KAT6A: variants seen among roughly 807,000 people sequenced by gnomAD.
KAT6A encodes the protein lysine acetyltransferase 6A.
In KAT6A, 9 loss-of-function variants were observed where a neutral mutation model predicts 198.4. That is an observed-to-expected ratio of 0.05 (90% CI 0.03 to 0.08). KAT6A has a LOEUF of 0.08. Ranked by LOEUF, KAT6A falls within the 10% of genes least tolerant of loss-of-function variation. KAT6A has a pLI of 1.00. For missense variants in KAT6A, 2,077 were observed against 2,509.9 expected (o/e 0.83, Z 3.69); for synonymous variants, 890 against 883.0 (o/e 1.01, Z -0.14).
intron 2 of KAT6A, among the ~76,000 whole-genome samples, chr8:41,989,206 T>G (rs1458691046): frequency 6.6e-6 from 1 of 152,124 alleles, no homozygotes; most frequent in Non-Finnish European, 1.5e-5. Context: ...TGGGGCTTAC[T>G]GAGCTTAAAA....
intron 2 of KAT6A, among the ~76,000 whole-genome samples, chr8:41,989,230 C>A (rs747806691): frequency 6.6e-6 from 1 of 152,172 alleles, no homozygotes. Flanking sequence ...CTTATGTAGC[C>A]GGGCACAGTG....
At chr8:41,987,773 T>C (rs925461177) in intron 2 of KAT6A, among the ~76,000 whole-genome samples, 1 of 152,170 alleles carries the variant, frequency 6.6e-6, no homozygotes, top group Non-Finnish European at 1.5e-5. Context: ...TTTAGAAACT[T>C]TACTCCAAAA....
intron 10 of KAT6A, among the ~76,000 whole-genome samples, 170 bp downstream of exon 10, chr8:41,949,052 C>G (rs575715666): frequency 6.6e-6 from 1 of 152,128 alleles, no homozygotes; most frequent in Non-Finnish European, 1.5e-5. Flanking sequence ...TTAATATATG[C>G]AAAATCAACT....
At chr8:41,968,943 CT>C (rs1408352462) in intron 8 of KAT6A, among the ~76,000 whole-genome samples, 1 of 152,024 alleles carries the variant, frequency 6.6e-6, no homozygotes, top group Non-Finnish European at 1.5e-5. Context: ...TGGCTGACTC[CT>C]TTTGAAAAAA....
intron 2 of KAT6A, among the ~76,000 whole-genome samples, chr8:41,988,833 G>C (rs915213772): frequency 6.6e-6 from 1 of 152,144 alleles, no homozygotes; most frequent in Non-Finnish European, 1.5e-5. Flanking sequence ...TTAGTTGGAG[G>C]TACCCTCAGT....
chr8:41,991,450 C>T (rs1824942335), intron 2 of KAT6A, among the ~76,000 whole-genome samples: 1 of 152,064 alleles, frequency 6.6e-6, no homozygotes. Context: ...GGAAAGTGGT[C>T]ACCTTTGGAA....
Position 41,932,876 on chromosome 8 carries a change from T to A in KAT6A, c.5344A>T (p.Thr1782Ser). ...SHSPAVTSYATSVSLSNTGLA... is the reference protein window; with the variant it reads ...SHSPAVTSYASSVSLSNTGLA... The stretch of plus-strand genomic sequence containing the variant: ...CCTGTATTGGACAGAGAAACACTGG[T>A]TGCATAGGAAGTCACAGCAGGAGAA... Residue 1782 changes from threonine to serine, a missense_variant, in exon 17 of 17, where the codon ACC (threonine) becomes TCC (serine). By Grantham distance (58) the Thr-to-Ser change is moderately conservative. Transcript: ENST00000265713. 2 of 1,614,056 alleles carry A rather than the reference T, an allele frequency of 1.2e-6. No homozygotes were observed. Among genetic ancestry groups the A allele is most frequent in the Non-Finnish European group, 1.7e-6 (2 of 1,180,010 alleles).
At chr8:41,970,981 C>A (rs913351159) in intron 8 of KAT6A, among the ~76,000 whole-genome samples, 3 of 152,018 alleles carry the variant, frequency 2.0e-5, no homozygotes, top group African/African-American at 4.8e-5. Context: ...GACAAAAAAA[C>A]CAAACACCGC....
intron 9 of KAT6A, among the ~76,000 whole-genome samples, chr8:41,953,504 G>A (rs1019700004): frequency 1.3e-5 from 2 of 152,136 alleles, no homozygotes; most frequent in African/African-American, 2.4e-5. Flanking sequence ...ATGGAGTTTC[G>A]CTCCTGTTGC....
intron 2 of KAT6A, among the ~76,000 whole-genome samples, chr8:42,003,047 G>A (rs932816042): frequency 1.3e-5 from 2 of 152,178 alleles, no homozygotes; most frequent in Admixed American, 1.3e-4. Flanking sequence ...GTGGGGCTCA[G>A]ATTCTGCACA....
chr8:42,020,492 G>A (rs1043314887), intron 2 of KAT6A, among the ~76,000 whole-genome samples: 5 of 152,142 alleles, frequency 3.3e-5, no homozygotes, highest in African/African-American at 9.7e-5. Flanking sequence ...ATACTTTGTT[G>A]TTATTTCTTT....
At chr8:41,982,403 A>G (rs536302176) in intron 3 of KAT6A, among the ~76,000 whole-genome samples, 40 of 152,284 alleles carry the variant, frequency 2.6e-4, no homozygotes, top group African/African-American at 9.1e-4. Flanking sequence ...CTCAGTTTAT[A>G]CCCTTTTGTG....
chr8:42,018,395 C>T (rs569738478), intron 2 of KAT6A, among the ~76,000 whole-genome samples: 2 of 152,230 alleles, frequency 1.3e-5, no homozygotes, highest in East Asian at 3.9e-4. Context: ...CCTGTTAATT[C>T]CAGCTACTTG....
intron 2 of KAT6A, among the ~76,000 whole-genome samples, chr8:42,026,849 T>C (rs1826841243): frequency 6.6e-6 from 1 of 152,188 alleles, no homozygotes; most frequent in Non-Finnish European, 1.5e-5. Flanking sequence ...TTCCAATTCT[T>C]AGAGAAAAGG....
intron 2 of KAT6A, among the ~76,000 whole-genome samples, chr8:42,047,430 G>A (rs927877823): frequency 1.3e-5 from 2 of 152,054 alleles, no homozygotes; most frequent in African/African-American, 2.4e-5. Context: ...CTTTCTTTTT[G>A]TTTTTAGAAC....
At chr8:41,986,253 T>C (rs1177142757) in intron 3 of KAT6A, among the ~76,000 whole-genome samples, 1 of 152,224 alleles carries the variant, frequency 6.6e-6, no homozygotes, top group African/African-American at 2.4e-5. Context: ...TTGTGAGTTC[T>C]TGAAATGTAG....
Position 42,048,472 on chromosome 8 carries a change from A to G in KAT6A, c.506T>C (p.Leu169Pro). 1 of 1,614,206 alleles carries G rather than the reference A, an allele frequency of 6.2e-7. No individual in the cohort carries two copies. The highest frequency in any genetic ancestry group is 8.5e-7 in the Non-Finnish European group (1 of 1,180,026). The change falls in exon 2 of 17, where the codon CTC becomes CCC. Residue 169 changes from leucine (L) to proline (P), a missense_variant. Around this residue, in one of 13 missense-constraint regions of KAT6A, gnomAD observed 185 missense variants for 185.7 expected, o/e 1.00. Coordinates refer to ENST00000265713, the MANE Select transcript of KAT6A (RefSeq NM_006766.5). ...ATCCACGTTGGTTGCTTTAGTGTTGAGCCGATAAAGAGGTCCATCTTTAAG... is the reference window on the plus strand; with the variant it reads ...ATCCACGTTGGTTGCTTTAGTGTTGGGCCGATAAAGAGGTCCATCTTTAAG... ...RLLKDGPLYR[L>P]NTKATNVDGK...
chr8:41,994,294 A>G (rs949511383), intron 2 of KAT6A, among the ~76,000 whole-genome samples: 2 of 152,166 alleles, frequency 1.3e-5, no homozygotes, highest in Non-Finnish European at 2.9e-5. Context: ...CTCCAGTCCA[A>G]TTGCTTCCAT....
At chr8:42,024,471 A>G (rs1463520333) in intron 2 of KAT6A, among the ~76,000 whole-genome samples, 1 of 152,158 alleles carries the variant, frequency 6.6e-6, no homozygotes, top group Non-Finnish European at 1.5e-5. Flanking sequence ...TCTTCTAACT[A>G]TTTTGAAATA....
Sources: allele counts gnomAD v4.1 joint callset (sites outside exome capture counted in the v4.1 genomes callset), GRCh38; gene constraint gnomAD v4.1.1; regional missense constraint gnomAD v4.1.1; transcripts MANE v1.5; gene names NCBI Gene and HGNC (gene_info 2026-07-23, HGNC 2026-07-21).